Variants in DMD observed in about 807,000 individuals in gnomAD.
DMD encodes dystrophin.
DMD carries 63 observed loss-of-function variants against 330.1 expected under a neutral mutation model. The ratio of observed to expected loss-of-function variants is 0.19; its 90% confidence interval spans 0.16 to 0.24. The LOEUF (loss-of-function observed/expected upper bound fraction) is 0.24. Ranked by LOEUF, DMD falls within the 10% of genes least tolerant of loss-of-function variation. The pLI, the probability that DMD is intolerant of heterozygous loss-of-function variation, is 1.00. For missense variants in DMD, 3,344 were observed against 2,684.1 expected (o/e 1.25, Z -5.43); for synonymous variants, 1,223 against 959.8 (o/e 1.27, Z -5.07).
chrX:31,939,798 G>A (rs772223562), intron 45 of DMD, among the ~76,000 whole-genome samples: 44 of 111,756 alleles, frequency 3.9e-4, no homozygotes, highest in East Asian at 2.8e-3. Flanking sequence ...AACATTATGA[G>A]TACACAGGAG....
At chrX:31,739,099 GA>G (rs940379534) in intron 51 of DMD, among the ~76,000 whole-genome samples, 2 of 111,598 alleles carry the variant, frequency 1.8e-5, no homozygotes, top group African/African-American at 6.5e-5. Flanking sequence ...GGATTGTTTG[GA>G]ACATAAAGAA....
intron 47 of DMD, among the ~76,000 whole-genome samples, chrX:31,879,622 G>A (rs2094027450): frequency 8.9e-6 from 1 of 112,104 alleles, no homozygotes; most frequent in Admixed American, 9.5e-5. Flanking sequence ...AGTGAAAAAT[G>A]CTCTGAAGAG....
At chrX:33,215,330 A>AC (rs2052035165), upstream of DMD, among the ~76,000 whole-genome samples, 1 of 109,874 alleles carries the variant, frequency 9.1e-6, no homozygotes, top group African/African-American at 3.3e-5. Flanking sequence ...TCTCAAAAAA[A>AC]AAAAAAAAAG....
chrX:32,361,892 T>A (rs2097836897), intron 37 of DMD, among the ~76,000 whole-genome samples: 1 of 111,616 alleles, frequency 9.0e-6, no homozygotes, highest in South Asian at 3.7e-4. Context: ...TTTATATACA[T>A]TTTTATGTTT....
intron 7 of DMD, among the ~76,000 whole-genome samples, chrX:32,769,927 T>G (rs2073421557): frequency 1.8e-5 from 2 of 111,875 alleles, no homozygotes; most frequent in South Asian, 7.4e-4. Flanking sequence ...GCAAAGTTTT[T>G]AAAAGATTGA....
At chrX:32,107,845 G>C (rs1295680157) in intron 44 of DMD, among the ~76,000 whole-genome samples, 1 of 111,318 alleles carries the variant, frequency 9.0e-6, no homozygotes, top group Non-Finnish European at 1.9e-5. Context: ...ATTACGGGCA[G>C]TGTTGACAGA....
intron 1 of DMD, among the ~76,000 whole-genome samples, chrX:33,151,851 G>C (rs1338018048): frequency 1.8e-5 from 2 of 111,878 alleles, no homozygotes; most frequent in Non-Finnish European, 3.8e-5. Flanking sequence ...GGCAGGCATG[G>C]GACATGGTCC....
intron 66 of DMD, among the ~76,000 whole-genome samples, chrX:31,204,758 G>A (rs938360381): frequency 8.9e-5 from 10 of 111,995 alleles, no homozygotes; most frequent in South Asian, 7.5e-4. Context: ...GAGTAGCTGC[G>A]ATTACAGGCA....
chrX:31,312,303 AACAG>A (rs2055585329), intron 62 of DMD, among the ~76,000 whole-genome samples: 1 of 112,592 alleles, frequency 8.9e-6, no homozygotes, highest in African/African-American at 3.2e-5. Flanking sequence ...AAAGGATATG[AACAG>A]ACACTTCTCA....
chrX:31,548,564 T>C (rs1035471097), intron 55 of DMD, among the ~76,000 whole-genome samples: 2 of 108,227 alleles, frequency 1.8e-5, no homozygotes, highest in African/African-American at 6.7e-5. Flanking sequence ...TTTTCTTTTT[T>C]TTTTTTTTTT....
intron 51 of DMD, among the ~76,000 whole-genome samples, chrX:31,762,945 G>C (rs1436484772): frequency 4.5e-5 from 5 of 112,302 alleles, no homozygotes; most frequent in Non-Finnish European, 9.4e-5. Flanking sequence ...TAACAGTTAA[G>C]ATAAACATAT....
intron 55 of DMD, among the ~76,000 whole-genome samples, chrX:31,523,006 C>T (rs2072969228): frequency 9.0e-6 from 1 of 111,410 alleles, no homozygotes; most frequent in Non-Finnish European, 1.9e-5. Flanking sequence ...TCCCTTAGTA[C>T]AGTGGTTCTC....
chrX:31,472,927 T>C (rs761791385), intron 59 of DMD, among the ~76,000 whole-genome samples: 1 of 112,277 alleles, frequency 8.9e-6, no homozygotes, highest in African/African-American at 3.2e-5. Flanking sequence ...ATGCGACAGA[T>C]TTGCATATTC....
chrX:32,559,122 T>A (rs925775424), intron 16 of DMD, among the ~76,000 whole-genome samples: 3 of 108,800 alleles, frequency 2.8e-5, no homozygotes, highest in African/African-American at 1.0e-4. Context: ...GGCTACTTTT[T>A]TTGTATTTTT....
intron 55 of DMD, among the ~76,000 whole-genome samples, chrX:31,581,972 C>G (rs2076362035): frequency 9.0e-6 from 1 of 111,581 alleles, no homozygotes; most frequent in Non-Finnish European, 1.9e-5. Context: ...ATACCAGTGC[C>G]ACCATTTTGT....
intron 57 of DMD, among the ~76,000 whole-genome samples, chrX:31,490,698 A>C (rs2069219418): frequency 8.9e-6 from 1 of 112,677 alleles, no homozygotes; most frequent in South Asian, 3.6e-4. Context: ...AACATTCACA[A>C]ATGACATCCA....
intron 7 of DMD, among the ~76,000 whole-genome samples, chrX:32,713,627 A>G (rs1242583358): frequency 3.6e-5 from 4 of 111,889 alleles, no homozygotes; most frequent in Non-Finnish European, 7.5e-5. Context: ...TTGTTAATAT[A>G]TACTTCTGTA....
chrX:32,931,037 CTA>C (rs927623686), intron 2 of DMD, among the ~76,000 whole-genome samples: 2 of 106,848 alleles, frequency 1.9e-5, no homozygotes, highest in Non-Finnish European at 3.8e-5. Context: ...ACAATTAATA[CTA>C]TATATATTTC....
intron 1 of DMD, among the ~76,000 whole-genome samples, chrX:33,026,168 T>A (rs1208416803): frequency 9.3e-6 from 1 of 108,101 alleles, no homozygotes; most frequent in Admixed American, 9.9e-5. Context: ...ACCCCGTCTC[T>A]ACTAAAAATA....
Sources: gnomAD v4.1 joint callset for allele counts (sites outside exome capture counted in the v4.1 genomes callset) on GRCh38, gnomAD v4.1.1 for gene constraint, MANE v1.5 for transcripts, NCBI Gene and HGNC (gene_info 2026-07-23, HGNC 2026-07-21) for gene names.